Variants in SLC47A1 observed in about 807,000 individuals in gnomAD.
SLC47A1 encodes the protein multidrug and toxin extrusion protein 1.
Under a neutral mutation model 65.8 loss-of-function variants are expected in SLC47A1, and 58 were observed. The ratio of observed to expected loss-of-function variants is 0.88; its 90% CI spans 0.71 to 1.10. The LOEUF (loss-of-function observed/expected upper bound fraction) is 1.10, where lower values mean the gene tolerates loss of function less well. Ranked by LOEUF, SLC47A1 falls within the 50% of genes least tolerant of loss-of-function variation. The pLI, the probability that SLC47A1 is intolerant of heterozygous loss-of-function variation, is 0.00. For synonymous variants in SLC47A1, 285 were observed against 295.0 expected (o/e 0.97, Z 0.35); for missense variants, 706 against 719.2 (o/e 0.98, Z 0.21).
chr17:19,566,714 T>A, intron 12 of SLC47A1, 76 bp from the exon 13 acceptor site: 1 of 1,416,466 alleles, frequency 7.1e-7, no homozygotes, highest in Non-Finnish European at 1.0e-6. Context: ...CATGAGCCAC[T>A]GCGCCTAGCC....
Position 19,578,227 on chromosome 17 carries a change from G to A in SLC47A1, c.*674G>A, listed in dbSNP as rs1261074807. On this transcript the variant is annotated 3_prime_UTR_variant, in exon 17 of 17. Coordinates refer to ENST00000270570, the MANE Select transcript of SLC47A1 (RefSeq NM_018242.3). ...AAACAGTTGGGAAATCTTTCGAGCT[G>A]TGGAAATCCAAACAAAGACTGATAA... is the stretch of plus-strand genomic sequence containing the variant. 2.9e-6 allele frequency: 1 copy of A among 348,180 alleles called. No individual in the cohort carries two copies. The highest frequency in any genetic ancestry group is 8.4e-5 in the East Asian group (1 of 11,958). 21.6% of individuals were successfully genotyped at this position (348,180 alleles called of 1,614,324 possible).
rs371275785 is a variant in SLC47A1 at position 19,554,420 on chromosome 17, G to A, written c.544-792G>A. On this transcript the variant is annotated intron_variant, in intron 6 of 16. Coordinates refer to ENST00000270570, the MANE Select transcript of SLC47A1 (RefSeq NM_018242.3). ...TTAACATGATTTTGAGCCTCCACGC[G>A]AGAGTGGGGTGTTTTCTTTTTACTG... is the stretch of plus-strand genomic sequence containing the variant. Among the ~76,000 whole-genome samples, 13 of 152,300 alleles carry A rather than the reference G, an allele frequency of 8.5e-5. No homozygotes were observed. In the South Asian group the frequency reaches 1.5e-3, roughly 17 times the overall value.
intron 16 of SLC47A1, among the ~76,000 whole-genome samples, chr17:19,576,285 C>T (rs1230455569): frequency 6.8e-6 from 1 of 147,846 alleles, no homozygotes; most frequent in Middle Eastern, 3.2e-3. Flanking sequence ...ACTTAGTAGG[C>T]CCTTTGATGT....
chr17:19,550,673 T>C (rs915034449), intron 5 of SLC47A1, among the ~76,000 whole-genome samples: 2 of 152,188 alleles, frequency 1.3e-5, no homozygotes, highest in African/African-American at 4.8e-5. Flanking sequence ...CTGCAGGGGC[T>C]TCCGTAATAT....
intron 6 of SLC47A1, among the ~76,000 whole-genome samples, chr17:19,554,930 A>G (rs187164616): frequency 6.6e-6 from 1 of 152,280 alleles, no homozygotes; most frequent in African/African-American, 2.4e-5. Context: ...ACTGTTGGAA[A>G]TAAGCCATTT....
At chr17:19,565,600 A>G (rs8074412) in intron 12 of SLC47A1, among the ~76,000 whole-genome samples, 2,344 of 76,944 alleles carry the variant, frequency 0.03, 90 homozygotes, top group African/African-American at 0.12. Flanking sequence ...TTTTTTTTTG[A>G]GATGGACTCT....
rs1387275344 is a variant in SLC47A1 at position 19,577,488 on chromosome 17, C to T, written c.1648C>T (p.Leu550Phe). Residue 550 changes from leucine (L) to phenylalanine (F), a missense_variant, in exon 17 of 17, where the codon CTC (leucine) becomes TTC (phenylalanine). Transcript: ENST00000270570. Reference protein sequence around the residue: ...KQLVLRRGLLLLGVFLILLVG... With the variant: ...KQLVLRRGLLFLGVFLILLVG... ...GCTGGTGCTGCGGCGAGGGCTTCTGCTCCTGGGGGTCTTCTTAATCTTGCT... is the reference window on the plus strand; with the variant it reads ...GCTGGTGCTGCGGCGAGGGCTTCTGTTCCTGGGGGTCTTCTTAATCTTGCT... 3.1e-6 allele frequency: 5 copies of T among 1,614,048 alleles called. No homozygotes were observed. Among genetic ancestry groups the T allele is most frequent in the Non-Finnish European group, 4.2e-6 (5 of 1,180,046 alleles).
Position 19,578,028 on chromosome 17 carries a change from G to A in SLC47A1, c.*475G>A, listed in dbSNP as rs182312147. On this transcript the variant is annotated 3_prime_UTR_variant, in exon 17 of 17. Coordinates refer to ENST00000270570, the MANE Select transcript of SLC47A1 (RefSeq NM_018242.3). ...ACGGAAGTCTTGCTCTGTCATGCAG[G>A]CTGGAGTGCGGTGGTGCGATCATAG... is the stretch of plus-strand genomic sequence containing the variant. 1.6e-4 allele frequency: 197 copies of A among 1,205,996 alleles called. No homozygotes were observed. In the Middle Eastern group the frequency reaches 4.0e-3, roughly 25 times the overall value. The allele number at this position is 1,205,996 out of a possible 1,614,324, so 74.7% of individuals were successfully genotyped here.
intron 5 of SLC47A1, 95 bp downstream of exon 5, chr17:19,549,772 G>A: frequency 5.2e-6 from 7 of 1,346,568 alleles, no homozygotes; most frequent in Non-Finnish European, 7.4e-6. Flanking sequence ...CTCAGTCTTA[G>A]ATGATTCTTA....
intron 16 of SLC47A1, among the ~76,000 whole-genome samples, chr17:19,573,602 T>C (rs2440158): frequency 0.21 from 32,001 of 152,010 alleles, 3,609 homozygotes; most frequent in East Asian, 0.29. Context: ...ACTGCACCCT[T>C]TACATCTTGG....
chr17:19,549,498 C>G (rs1038604205), intron 4 of SLC47A1, 137 bp from the exon 5 acceptor site: 1 of 904,424 alleles, frequency 1.1e-6, no homozygotes, highest in Non-Finnish European at 1.8e-6. Context: ...CCGGCCTGCT[C>G]CAGCAACTTA....
chr17:19,536,087 A>T (rs188200831), intron 1 of SLC47A1, among the ~76,000 whole-genome samples: 5 of 151,864 alleles, frequency 3.3e-5, no homozygotes, highest in Admixed American at 2.0e-4. Context: ...GGCACACACC[A>T]CCATGCCTGG....
intron 5 of SLC47A1, 60 bp downstream of exon 5, chr17:19,549,737 C>G (rs570188082): frequency 2.6e-6 from 4 of 1,556,362 alleles, no homozygotes; most frequent in Non-Finnish European, 3.5e-6. Context: ...AGGTAGCCAC[C>G]ATATCTGTGA....
intron 2 of SLC47A1, among the ~76,000 whole-genome samples, chr17:19,545,868 G>A (rs1916276884): frequency 6.6e-6 from 1 of 152,162 alleles, no homozygotes; most frequent in Admixed American, 6.5e-5. Context: ...TACATGGCCA[G>A]TGTCTGGTGC....
At chr17:19,554,279 C>T (rs1367879636) in intron 6 of SLC47A1, among the ~76,000 whole-genome samples, 1 of 152,130 alleles carries the variant, frequency 6.6e-6, no homozygotes, top group Non-Finnish European at 1.5e-5. Flanking sequence ...TGGTGCTCCT[C>T]CTTTGGAAAC....
chr17:19,549,702 T>C (rs781179905), intron 5 of SLC47A1, 25 bp downstream of exon 5: 1 of 1,613,770 alleles, frequency 6.2e-7, no homozygotes, highest in Non-Finnish European at 8.5e-7. Context: ...GCTAAGAGAT[T>C]CCCTTCTTGG....
chr17:19,547,894 C>T, intron 3 of SLC47A1, 91 bp from the exon 4 acceptor site: 1 of 1,430,612 alleles, frequency 7.0e-7, no homozygotes, highest in Non-Finnish European at 9.4e-7. Context: ...AGCCAACCTG[C>T]TTCTTTGTGT....
At chr17:19,550,761 G>A (rs1916425537) in intron 5 of SLC47A1, among the ~76,000 whole-genome samples, 1 of 152,192 alleles carries the variant, frequency 6.6e-6, no homozygotes, top group African/African-American at 2.4e-5. Flanking sequence ...CAAGGTCAAG[G>A]TGCAGCAGGG....
chr17:19,543,769 A>T (rs1354416633), intron 2 of SLC47A1, among the ~76,000 whole-genome samples: 1 of 152,162 alleles, frequency 6.6e-6, no homozygotes, highest in African/African-American at 2.4e-5. Flanking sequence ...AGAAAAGTGG[A>T]TTCAGTGGCT....
Sources: gnomAD v4.1 joint callset for allele counts (sites outside exome capture counted in the v4.1 genomes callset) on GRCh38, gnomAD v4.1.1 for gene constraint, MANE v1.5 for transcripts, NCBI Gene and HGNC (gene_info 2026-07-23, HGNC 2026-07-21) for gene names.